The following SCN3A variants were observed in gnomAD, a reference collection of about 807,000 sequenced individuals.
SCN3A encodes sodium voltage-gated channel alpha subunit 3, also known as sodium channel protein type 3 subunit alpha.
In SCN3A, 60 loss-of-function variants were observed where a neutral mutation model predicts 187.6. The observed-to-expected ratio is 0.32, with a 90% CI of 0.26 to 0.40. The LOEUF (loss-of-function observed/expected upper bound fraction) is 0.40. Among genes scored for constraint, SCN3A ranks in the 10% least tolerant of loss-of-function variants. SCN3A has a pLI of 1.00. For missense variants in SCN3A, 1,601 were observed against 2,428.2 expected (o/e 0.66, Z 7.16); for synonymous variants, 788 against 829.2 (o/e 0.95, Z 0.85).
intron 18 of SCN3A, among the ~76,000 whole-genome samples, chr2:165,121,940 T>C (rs1216246579): frequency 6.6e-6 from 1 of 152,184 alleles, no homozygotes; most frequent in Non-Finnish European, 1.5e-5. Flanking sequence ...GCCTGGTCAG[T>C]TTTGGATAGA....
At chr2:165,141,508 T>TA (rs1041475447) in intron 12 of SCN3A, among the ~76,000 whole-genome samples, 4 of 152,226 alleles carry the variant, frequency 2.6e-5, no homozygotes, top group African/African-American at 4.8e-5. Flanking sequence ...ATTACTTTTT[T>TA]AAAAAACTAC....
At position 165,162,340 on chromosome 2, in the gene SCN3A, G is replaced by A. The variant is rs142239226; in HGVS notation, c.999C>T (p.Asp333=). 9.6e-5 allele frequency: 155 copies of A among 1,613,170 alleles called. No homozygotes were observed. In the African/African-American group the frequency reaches 1.6e-3, roughly 17 times the overall value. ...CTGAGCCATTTCCACAGAGTAAAGG[G>A]TCTTTTTGCCCATCCAAAACATAAA... is the stretch of plus-strand genomic sequence containing the variant. ...SHFYVLDGQK[D]PLLCGNGSDA... The change falls in exon 9 of 28, where the codon GAC becomes GAT. Residue 333 remains aspartate (D), a synonymous_variant. Coordinates refer to ENST00000283254, the MANE Select transcript of SCN3A (RefSeq NM_006922.4).
At chr2:165,113,714 G>A in intron 20 of SCN3A, 102 bp downstream of exon 20, 5 of 1,261,224 alleles carry the variant, frequency 4.0e-6, no homozygotes, top group African/African-American at 1.5e-5. Context: ...ACACAGATAT[G>A]CCTTTTCTTT....
At chr2:165,118,674 C>A (rs1373142284) in intron 18 of SCN3A, among the ~76,000 whole-genome samples, 3 of 152,158 alleles carry the variant, frequency 2.0e-5, no homozygotes, top group African/African-American at 7.2e-5. Context: ...GTATCCTCAA[C>A]ATCCCAGACG....
chr2:165,127,504 A>G (rs1033184744), intron 18 of SCN3A, 127 bp downstream of exon 18: 1 of 748,412 alleles, frequency 1.3e-6, no homozygotes, highest in African/African-American at 1.8e-5. Context: ...ATTTTCCAAC[A>G]TCACTATAGA....
chr2:165,168,880 G>T (rs1344261621), intron 4 of SCN3A, 55 bp from the exon 5 acceptor site: 3 of 1,205,630 alleles, frequency 2.5e-6, no homozygotes, highest in Non-Finnish European at 3.7e-6. Flanking sequence ...ATTTATAAAT[G>T]ATCCAAAACA....
At chr2:165,173,132 T>C (rs1337886025) in intron 3 of SCN3A, among the ~76,000 whole-genome samples, 1 of 152,210 alleles carries the variant, frequency 6.6e-6, no homozygotes, top group Admixed American at 6.6e-5. Flanking sequence ...GCACATCTTA[T>C]AAGTTTACTA....
At chr2:165,111,102 A>G (rs1686091340) in intron 21 of SCN3A, among the ~76,000 whole-genome samples, 1 of 152,196 alleles carries the variant, frequency 6.6e-6, no homozygotes, top group Non-Finnish European at 1.5e-5. Context: ...TGGGAGGCCA[A>G]GGTGGGTGGA....
Position 165,170,500 on chromosome 2 carries a change from T to C in SCN3A, c.313A>G (p.Thr105Ala). The C allele has an allele frequency of 6.2e-7, 1 of 1,611,700 alleles. No homozygotes were observed. Among genetic ancestry groups the C allele is most frequent in the South Asian group, 1.1e-5 (1 of 90,976 alleles). ...KGKAIFRFSA[T>A]SALYILTPLN... Reference sequence around the variant, plus strand: ...GGAGTTAAAATATACAAGGCAGAGGTGGCACTGAATCGGAAAATTGCCTTT... The same window carrying C: ...GGAGTTAAAATATACAAGGCAGAGGCGGCACTGAATCGGAAAATTGCCTTT... The change falls in exon 4 of 28, where the codon ACC (threonine) becomes GCC (alanine). Residue 105 changes from threonine to alanine, a missense_variant. Physicochemically the swap from Thr to Ala is moderately conservative, Grantham distance 58 (BLOSUM62 0). Around this residue, in one of 11 missense-constraint regions of SCN3A, gnomAD observed 122 missense variants for 225.1 expected, o/e 0.54. Transcript: ENST00000283254.
chr2:165,128,219 CT>C, intron 17 of SCN3A, 118 bp from the exon 18 acceptor site: 2 of 818,614 alleles, frequency 2.4e-6, no homozygotes, highest in Non-Finnish European at 3.8e-6. Flanking sequence ...TTATTGAATG[CT>C]TACTATATTT....
intron 23 of SCN3A, 89 bp from the exon 24 acceptor site, chr2:165,096,609 ATAACT>A: frequency 1.1e-6 from 1 of 887,160 alleles, no homozygotes; most frequent in Non-Finnish European, 1.8e-6. Flanking sequence ...ATTATAACAA[ATAACT>A]TTTTGTACAA....
At chr2:165,131,530 G>T in intron 15 of SCN3A, 113 bp from the exon 16 acceptor site, 1 of 574,432 alleles carries the variant, frequency 1.7e-6, no homozygotes, top group Non-Finnish European at 2.9e-6. Flanking sequence ...TAAAGTGAGA[G>T]AATGTGACAA....
intron 18 of SCN3A, among the ~76,000 whole-genome samples, chr2:165,126,594 CCCTT>C (rs1175800687): frequency 1.0e-5 from 1 of 96,282 alleles, no homozygotes; most frequent in African/African-American, 3.8e-5. Flanking sequence ...CTCCCTCCCT[CCCTT>C]CGTTCCTTCC....
At chr2:165,152,851 C>T (rs1688770756) in intron 11 of SCN3A, among the ~76,000 whole-genome samples, 1 of 151,924 alleles carries the variant, frequency 6.6e-6, no homozygotes, top group African/African-American at 2.4e-5. Flanking sequence ...AGCACACCAA[C>T]ATGGCACATG....
At chr2:165,107,317 T>G (rs1452197906) in intron 21 of SCN3A, among the ~76,000 whole-genome samples, 1 of 152,156 alleles carries the variant, frequency 6.6e-6, no homozygotes, top group Non-Finnish European at 1.5e-5. Context: ...TTCTTATTAA[T>G]TAATTAATAA....
intron 1 of SCN3A, among the ~76,000 whole-genome samples, chr2:165,197,932 G>A (rs1692069523): frequency 1.3e-5 from 2 of 151,776 alleles, no homozygotes; most frequent in Admixed American, 1.3e-4. Context: ...GTTATTATTG[G>A]CTATGACAAA....
Position 165,100,434 on chromosome 2 carries a change from G to GAA in SCN3A, c.3844-12_3844-11dup. On this transcript the variant is annotated splice_polypyrimidine_tract_variant and intron_variant, in intron 21 of 27. Transcript: ENST00000283254. ...GGCTAACCAAAGAAACCTACAAAAG[G>GAA]AAAAAAAAATTAATTAGTTCACCAA... 1 of 1,604,330 alleles carries GAA rather than the reference G, an allele frequency of 6.2e-7. No homozygotes were observed.
chr2:165,202,864 AC>A (rs1380248043), intron 1 of SCN3A, among the ~76,000 whole-genome samples: 1 of 151,878 alleles, frequency 6.6e-6, no homozygotes, highest in African/African-American at 2.4e-5. Flanking sequence ...GTATTTTAAA[AC>A]CCTGTATGAT....
intron 21 of SCN3A, among the ~76,000 whole-genome samples, chr2:165,101,626 G>A (rs1282677628): frequency 6.6e-6 from 1 of 152,072 alleles, no homozygotes; most frequent in Non-Finnish European, 1.5e-5. Flanking sequence ...TTTCAAAGAT[G>A]GTACATAACT....
Sources: gnomAD v4.1 joint callset for allele counts (sites outside exome capture counted in the v4.1 genomes callset) on GRCh38, gnomAD v4.1.1 for gene constraint, gnomAD v4.1.1 regional missense constraint, MANE v1.5 for transcripts, NCBI Gene and HGNC (gene_info 2026-07-23, HGNC 2026-07-21) for gene names.